The following NPAS3 variants were observed in gnomAD, a reference collection of about 807,000 sequenced individuals.
The protein encoded by NPAS3 is neuronal PAS domain protein 3.
NPAS3 carries 14 observed loss-of-function variants against 73.1 expected under a neutral mutation model. The ratio of observed to expected loss-of-function variants is 0.19; its 90% CI spans 0.13 to 0.30. The LOEUF is 0.30. Ranked by LOEUF, NPAS3 falls within the 10% of genes least tolerant of loss-of-function variation. NPAS3 has a pLI of 1.00. For missense variants in NPAS3, 1,096 were observed against 1,250.0 expected, an observed-to-expected ratio of 0.88 and a Z score of 1.86; for synonymous variants, 620 against 541.5, an observed-to-expected ratio of 1.14 and a Z score of -2.01.
chr14:33,066,437 A>G (rs1372104712), intron 2 of NPAS3, among the ~76,000 whole-genome samples: 3 of 152,160 alleles, frequency 2.0e-5, no homozygotes, highest in African/African-American at 7.2e-5. Flanking sequence ...GGAATAAAGA[A>G]TGTTGTGTTT....
At chr14:33,369,657 G>T (rs892097869) in intron 4 of NPAS3, among the ~76,000 whole-genome samples, 21 of 152,242 alleles carry the variant, frequency 1.4e-4, no homozygotes, top group South Asian at 8.3e-4. Context: ...AATTGCCACA[G>T]AAACTAGAAC....
chr14:32,976,346 G>C (rs954956573), intron 1 of NPAS3, among the ~76,000 whole-genome samples: 3 of 152,096 alleles, frequency 2.0e-5, no homozygotes, highest in African/African-American at 7.2e-5. Context: ...TTTGTAGGGA[G>C]ACTCATTTTG....
At chr14:33,657,089 G>A (rs551592510) in intron 5 of NPAS3, among the ~76,000 whole-genome samples, 8 of 152,294 alleles carry the variant, frequency 5.3e-5, no homozygotes, top group South Asian at 4.1e-4. Flanking sequence ...AGGACATCGC[G>A]CTAAGTGAAA....
intron 1 of NPAS3, among the ~76,000 whole-genome samples, chr14:32,950,221 A>G (rs2139133519): frequency 6.6e-6 from 1 of 152,180 alleles, no homozygotes; most frequent in South Asian, 2.1e-4. Flanking sequence ...AATACTGTAA[A>G]GACTGTTCCA....
At chr14:33,484,384 G>A (rs1176285045) in intron 4 of NPAS3, among the ~76,000 whole-genome samples, 2 of 152,176 alleles carry the variant, frequency 1.3e-5, no homozygotes, top group Non-Finnish European at 2.9e-5. Context: ...TTCCTTCGGA[G>A]CATTACTTCA....
chr14:33,573,021 CAAAA>C (rs1172844613), intron 5 of NPAS3, among the ~76,000 whole-genome samples: 24 of 61,594 alleles, frequency 3.9e-4, no homozygotes, highest in African/African-American at 1.1e-3. Flanking sequence ...GACTTCTTCT[CAAAA>C]AAAAAAAAAA....
intron 2 of NPAS3, among the ~76,000 whole-genome samples, chr14:33,183,849 A>C (rs2045890881): frequency 6.6e-6 from 1 of 152,154 alleles, no homozygotes; most frequent in Non-Finnish European, 1.5e-5. Context: ...TCCTATCTGC[A>C]AGCCATATTC....
At chr14:33,429,291 G>A (rs927981504) in intron 4 of NPAS3, among the ~76,000 whole-genome samples, 3 of 152,118 alleles carry the variant, frequency 2.0e-5, no homozygotes, top group Non-Finnish European at 1.5e-5. Context: ...GCTGGTTACG[G>A]GTTGAGTCAA....
chr14:33,670,378 T>C (rs1201149115), intron 5 of NPAS3, among the ~76,000 whole-genome samples: 1 of 152,148 alleles, frequency 6.6e-6, no homozygotes, highest in Non-Finnish European at 1.5e-5. Context: ...GACCGAATGC[T>C]TTTATGTGCT....
At chr14:33,799,823 G>A (rs760039898) in exon 12 of NPAS3, 1 of 1,614,010 alleles carries the variant, frequency 6.2e-7, no homozygotes, top group Non-Finnish European at 8.5e-7. Flanking sequence ...GTCGGGCAAC[G>A]CGTGTGACAA....
intron 2 of NPAS3, among the ~76,000 whole-genome samples, chr14:33,122,086 G>A (rs963435941): frequency 6.6e-6 from 1 of 152,138 alleles, no homozygotes; most frequent in Non-Finnish European, 1.5e-5. Flanking sequence ...ACTGCAAATG[G>A]TAGTAGTTTG....
chr14:33,221,201 G>T (rs1393776299), intron 3 of NPAS3, among the ~76,000 whole-genome samples: 2 of 152,124 alleles, frequency 1.3e-5, no homozygotes, highest in Admixed American at 6.5e-5. Context: ...TGTAAGAAGG[G>T]TGAACAAAAA....
intron 5 of NPAS3, among the ~76,000 whole-genome samples, chr14:33,665,197 T>C (rs2059419087): frequency 6.6e-6 from 1 of 152,150 alleles, no homozygotes; most frequent in Non-Finnish European, 1.5e-5. Flanking sequence ...TGAGTTCATG[T>C]CCTTTGCAGG....
intron 6 of NPAS3, among the ~76,000 whole-genome samples, chr14:33,729,785 A>G (rs944847075): frequency 6.6e-6 from 1 of 152,152 alleles, no homozygotes; most frequent in African/African-American, 2.4e-5. Flanking sequence ...GCAGGTCACC[A>G]AGTTTAGCCC....
chr14:33,144,480 C>T (rs2044168989), intron 2 of NPAS3, among the ~76,000 whole-genome samples: 1 of 152,220 alleles, frequency 6.6e-6, no homozygotes, highest in Non-Finnish European at 1.5e-5. Flanking sequence ...TCAGTCCTTG[C>T]ATACTGCAGC....
At chr14:33,258,994 T>C (rs901669595) in intron 3 of NPAS3, among the ~76,000 whole-genome samples, 4 of 152,170 alleles carry the variant, frequency 2.6e-5, no homozygotes, top group African/African-American at 9.7e-5. Context: ...TTTGTATTTT[T>C]AGTAGAGACG....
chr14:33,052,485 A>G (rs1020451969), intron 1 of NPAS3, among the ~76,000 whole-genome samples: 8 of 152,258 alleles, frequency 5.3e-5, no homozygotes, highest in Non-Finnish European at 1.0e-4. Flanking sequence ...AAAACAATAC[A>G]TTAAGAAAAA....
chr14:33,801,052 C>T lies in NPAS3; in HGVS notation c.2745C>T (p.Phe915=), dbSNP rs554020592. ...AGGGACTCTTCTCCACGCTGCCCTTCCCCGTCTACAGCAACGGCATCCACG... is the reference window on the plus strand; with the variant it reads ...AGGGACTCTTCTCCACGCTGCCCTTTCCCGTCTACAGCAACGGCATCCACG... The change falls in exon 12 of 12, where the codon TTC becomes TTT. Residue 915 remains phenylalanine, a synonymous_variant. Transcript: ENST00000356141. The T allele has an allele frequency of 6.9e-6, 11 of 1,594,594 alleles. No homozygotes were observed. In the South Asian group the frequency reaches 1.1e-4, roughly 17 times the overall value.
At chr14:33,349,919 G>T (rs1055592341) in intron 3 of NPAS3, among the ~76,000 whole-genome samples, 3 of 152,172 alleles carry the variant, frequency 2.0e-5, no homozygotes, top group Non-Finnish European at 4.4e-5. Flanking sequence ...CAGGAGAAGG[G>T]CGTCTCCCAC....
Sources: gnomAD v4.1 joint callset for allele counts (sites outside exome capture counted in the v4.1 genomes callset) on GRCh38, gnomAD v4.1.1 for gene constraint, MANE v1.5 for transcripts, NCBI Gene and HGNC (gene_info 2026-07-23, HGNC 2026-07-21) for gene names.